Variants in HHAT observed in about 807,000 individuals in gnomAD.
The protein encoded by HHAT is protein-cysteine N-palmitoyltransferase HHAT.
Under a neutral mutation model 70.8 loss-of-function variants are expected in HHAT, and 47 were observed. That is an observed-to-expected ratio of 0.66 (90% CI 0.53 to 0.85). The LOEUF (loss-of-function observed/expected upper bound fraction) is 0.85. Ranked by LOEUF, HHAT falls within the 40% of genes least tolerant of loss-of-function variation. The pLI is 0.00. For missense variants in HHAT, 609 were observed against 604.8 expected, an observed-to-expected ratio of 1.01 and a Z score of -0.07; for synonymous variants, 228 against 247.6, an observed-to-expected ratio of 0.92 and a Z score of 0.74.
intron 11 of HHAT, among the ~76,000 whole-genome samples, chr1:210,645,308 C>G (rs1022898457): frequency 6.6e-6 from 1 of 152,112 alleles, no homozygotes; most frequent in Non-Finnish European, 1.5e-5. Context: ...GACGGAGTCT[C>G]TCTCTGTCGC....
intron 7 of HHAT, among the ~76,000 whole-genome samples, chr1:210,429,156 A>G (rs1223579355): frequency 6.6e-6 from 1 of 152,046 alleles, no homozygotes; most frequent in Middle Eastern, 3.4e-3. Context: ...TGAAGGAATT[A>G]TATAACAAAC....
chr1:210,635,558 G>A (rs200681207), intron 11 of HHAT, among the ~76,000 whole-genome samples: 1 of 152,288 alleles, frequency 6.6e-6, no homozygotes, highest in South Asian at 2.1e-4. Context: ...TATGGCTGTC[G>A]CGCATCAAAG....
intron 11 of HHAT, among the ~76,000 whole-genome samples, chr1:210,653,936 G>C (rs71638179): frequency 0.051 from 2,913 of 57,370 alleles, no homozygotes; most frequent in East Asian, 0.095. Context: ...ACTGTGATGG[G>C]AATAGTGTGA....
chr1:210,471,000 C>G (rs1486974302), intron 8 of HHAT, among the ~76,000 whole-genome samples: 1 of 152,180 alleles, frequency 6.6e-6, no homozygotes, highest in African/African-American at 2.4e-5. Context: ...AGGCAGTGAT[C>G]ATGTCTTATT....
At chr1:210,637,873 G>GT (rs1553312438) in intron 11 of HHAT, among the ~76,000 whole-genome samples, 7 of 123,384 alleles carry the variant, frequency 5.7e-5, no homozygotes, top group South Asian at 2.6e-4. Context: ...AAAAAAAAAG[G>GT]GGGGGGCAAA....
In HHAT at chr1:210,623,700, C is replaced by T. The variant is rs1299272686; in HGVS notation, c.1390+30C>T. On this transcript the variant is annotated intron_variant, in intron 11 of 11. Transcript: ENST00000261458. ...GTTGCTTGACAGTGCTGTTTTCAGT[C>T]AGTTTCTTGTTTTCCATGTATGCGG... The T allele has an allele frequency of 3.1e-6, 5 of 1,605,582 alleles. No individual in the cohort carries two copies. The Admixed American group carries it at 8.4e-5, about 27-fold the overall frequency.
intron 9 of HHAT, among the ~76,000 whole-genome samples, chr1:210,582,523 C>T (rs181619971): frequency 2.6e-5 from 4 of 152,152 alleles, no homozygotes; most frequent in African/African-American, 9.6e-5. Context: ...TTGTATAGGT[C>T]CTTGGAAAAA....
chr1:210,409,083 C>G (rs1407807521), intron 6 of HHAT, among the ~76,000 whole-genome samples: 3 of 152,142 alleles, frequency 2.0e-5, no homozygotes, highest in African/African-American at 7.2e-5. Context: ...CCAGGCTGGT[C>G]TCAAACTCCT....
At chr1:210,443,358 G>A (rs1203255182) in intron 7 of HHAT, among the ~76,000 whole-genome samples, 1 of 151,212 alleles carries the variant, frequency 6.6e-6, no homozygotes, top group African/African-American at 2.4e-5. Context: ...GAACTTTAAA[G>A]TAGTTTTTTC....
intron 9 of HHAT, among the ~76,000 whole-genome samples, chr1:210,523,361 T>C (rs1379680284): frequency 6.6e-6 from 1 of 152,126 alleles, no homozygotes; most frequent in Non-Finnish European, 1.5e-5. Context: ...ATCCCACCCA[T>C]CTCAGTCCAT....
intron 10 of HHAT, among the ~76,000 whole-genome samples, chr1:210,610,406 T>C (rs1186554827): frequency 6.6e-6 from 1 of 152,230 alleles, no homozygotes; most frequent in East Asian, 1.9e-4. Flanking sequence ...TCCTTATAGA[T>C]GCTGGATAGT....
intron 7 of HHAT, among the ~76,000 whole-genome samples, chr1:210,442,257 A>G (rs1215167431): frequency 7.6e-6 from 1 of 131,262 alleles, no homozygotes; most frequent in Admixed American, 8.1e-5. Context: ...TCATTGTTGG[A>G]CATTTGGGTT....
At chr1:210,440,975 G>C (rs2093493322) in intron 7 of HHAT, among the ~76,000 whole-genome samples, 1 of 152,290 alleles carries the variant, frequency 6.6e-6, no homozygotes, top group South Asian at 2.1e-4. Context: ...GAATCACAGG[G>C]CTCTGAACTC....
chr1:210,497,331 T>C (rs182522304), intron 8 of HHAT, among the ~76,000 whole-genome samples: 6 of 152,082 alleles, frequency 3.9e-5, no homozygotes, highest in Admixed American at 3.9e-4. Flanking sequence ...GACTGAAAAA[T>C]AACAAATTAT....
intron 7 of HHAT, among the ~76,000 whole-genome samples, chr1:210,418,756 G>T (rs12035213): frequency 6.6e-6 from 1 of 152,072 alleles, no homozygotes; most frequent in Admixed American, 6.5e-5. Flanking sequence ...TATGAGGCTG[G>T]GTGTGGTGGC....
At chr1:210,490,112 C>T (rs1448384121) in intron 8 of HHAT, among the ~76,000 whole-genome samples, 1 of 152,204 alleles carries the variant, frequency 6.6e-6, no homozygotes, top group East Asian at 1.9e-4. Context: ...AGTATCATGT[C>T]CTCTGGATTA....
intron 6 of HHAT, among the ~76,000 whole-genome samples, chr1:210,413,678 A>G (rs906784165): frequency 1.3e-5 from 2 of 152,204 alleles, no homozygotes; most frequent in African/African-American, 2.4e-5. Flanking sequence ...TCATAACAGG[A>G]TTGCTTTTCA....
chr1:210,615,437 T>C (rs534019081), intron 10 of HHAT, among the ~76,000 whole-genome samples: 1 of 152,352 alleles, frequency 6.6e-6, no homozygotes, highest in African/African-American at 2.4e-5. Flanking sequence ...TTCTCTCAAC[T>C]CATCAAATTC....
intron 9 of HHAT, among the ~76,000 whole-genome samples, chr1:210,560,211 T>C (rs944921945): frequency 6.6e-6 from 1 of 152,222 alleles, no homozygotes; most frequent in African/African-American, 2.4e-5. Context: ...TTCCTAAAGA[T>C]GGTCCTTTAT....
Sources: allele counts gnomAD v4.1 joint callset (sites outside exome capture counted in the v4.1 genomes callset), GRCh38; gene constraint gnomAD v4.1.1; transcripts MANE v1.5; gene names NCBI Gene and HGNC (gene_info 2026-07-23, HGNC 2026-07-21).